Variants in PTPRN2 observed in about 807,000 individuals in gnomAD.
PTPRN2 encodes the protein protein tyrosine phosphatase receptor type N2.
A neutral mutation model predicts 118.8 loss-of-function variants in PTPRN2; 74 were observed. That is an observed-to-expected ratio of 0.62 (90% CI 0.52 to 0.76). The LOEUF is 0.76. Ranked by LOEUF, PTPRN2 falls within the 30% of genes least tolerant of loss-of-function variation. The pLI, the probability that PTPRN2 is intolerant of heterozygous loss-of-function variation, is 0.00. For missense variants in PTPRN2, 1,481 were observed against 1,394.4 expected (o/e 1.06, Z -0.99); for synonymous variants, 641 against 608.0 (o/e 1.05, Z -0.80).
At chr7:157,804,817 C>T (rs973798743) in intron 12 of PTPRN2, among the ~76,000 whole-genome samples, 12 of 152,352 alleles carry the variant, frequency 7.9e-5, no homozygotes, top group African/African-American at 2.2e-4. Flanking sequence ...TCCCAGCCCC[C>T]CTTCTCCCAG....
intron 1 of PTPRN2, among the ~76,000 whole-genome samples, chr7:158,560,930 C>T (rs1005475686): frequency 3.3e-5 from 5 of 152,330 alleles, no homozygotes; most frequent in South Asian, 2.1e-4. Context: ...TGTTCCTTCA[C>T]GTGTGACTGG....
At chr7:158,261,257 C>T (rs918708500) in intron 3 of PTPRN2, among the ~76,000 whole-genome samples, 10 of 152,026 alleles carry the variant, frequency 6.6e-5, no homozygotes, top group Admixed American at 1.3e-4. Context: ...GGCCGGGCAG[C>T]GGGAAGAAGC....
intron 2 of PTPRN2, among the ~76,000 whole-genome samples, chr7:158,370,314 T>TA (rs1432825260): frequency 6.6e-6 from 1 of 152,140 alleles, no homozygotes; most frequent in African/African-American, 2.4e-5. Context: ...GACACACCTG[T>TA]AGTCCCAGTT....
At chr7:158,146,428 T>C (rs540324399) in intron 6 of PTPRN2, among the ~76,000 whole-genome samples, 1 of 152,026 alleles carries the variant, frequency 6.6e-6, no homozygotes, top group Non-Finnish European at 1.5e-5. Context: ...AACATTATTC[T>C]AAGAAATAAT....
intron 12 of PTPRN2, among the ~76,000 whole-genome samples, chr7:157,694,917 A>T (rs1797692266): frequency 6.6e-6 from 1 of 152,302 alleles, no homozygotes; most frequent in South Asian, 2.1e-4. Flanking sequence ...TATATGACAA[A>T]TGAGTACATT....
chr7:158,149,648 A>T (rs189060289), intron 6 of PTPRN2, among the ~76,000 whole-genome samples: 89 of 152,216 alleles, frequency 5.8e-4, no homozygotes, highest in African/African-American at 1.9e-3. Flanking sequence ...TACTAAAAAT[A>T]CAAAAATGAC....
intron 21 of PTPRN2, among the ~76,000 whole-genome samples, chr7:157,565,433 C>A (rs918020432): frequency 3.9e-5 from 6 of 152,250 alleles, no homozygotes; most frequent in African/African-American, 1.4e-4. Flanking sequence ...ACAGCCACAG[C>A]TGCTGGGGGA....
intron 11 of PTPRN2, among the ~76,000 whole-genome samples, chr7:158,013,796 CCATCCATCCACCCACCCACTCACCCACCT>C (rs1263376359): frequency 2.5e-5 from 3 of 118,664 alleles, no homozygotes; most frequent in Admixed American, 8.5e-5. Flanking sequence ...CCCACCCACC[CCATCCATCCACCCACCCACTCACCCACCT>C]ACCCATCCAT....
At chr7:158,054,012 G>A (rs1454999749) in intron 11 of PTPRN2, among the ~76,000 whole-genome samples, 2 of 126,488 alleles carry the variant, frequency 1.6e-5, no homozygotes, top group Non-Finnish European at 3.2e-5. Flanking sequence ...AGAGACCCTA[G>A]AGACGCAGAG....
chr7:157,806,640 G>A (rs182627940), intron 12 of PTPRN2, among the ~76,000 whole-genome samples: 39 of 151,758 alleles, frequency 2.6e-4, no homozygotes, highest in Admixed American at 5.9e-4. Context: ...ACGCATGTAT[G>A]TGTGTGTGTG....
intron 2 of PTPRN2, among the ~76,000 whole-genome samples, chr7:158,485,071 G>A (rs1323550623): frequency 3.3e-5 from 5 of 152,124 alleles, no homozygotes; most frequent in Non-Finnish European, 7.4e-5. Flanking sequence ...CAGACACCCT[G>A]CAACGGCCCG....
intron 11 of PTPRN2, among the ~76,000 whole-genome samples, chr7:158,073,243 T>C (rs1812079147): frequency 6.6e-6 from 1 of 152,162 alleles, no homozygotes. Context: ...GTAGAAGAAC[T>C]CCCAAGAAGT....
intron 11 of PTPRN2, among the ~76,000 whole-genome samples, chr7:158,045,976 C>T (rs1445261314): frequency 2.5e-4 from 36 of 144,824 alleles, no homozygotes. Context: ...CTGCCTTGTT[C>T]TGTCCAGGAG....
chr7:157,862,197 C>T (rs1324149931), intron 12 of PTPRN2, among the ~76,000 whole-genome samples: 1 of 152,264 alleles, frequency 6.6e-6, no homozygotes, highest in Non-Finnish European at 1.5e-5. Context: ...AGCACGGTGC[C>T]TCCTTCACCA....
rs1413230211 is a variant in PTPRN2 at position 157,627,184 on chromosome 7, G to A, written c.2197-5675C>T. ...CCAGTGTGCACCGCACCTGCAGCTG[G>A]GTCTCCTCCGGGGCGTGAGCTCCTG... On this transcript the variant is annotated intron_variant, in intron 14 of 22. Coordinates refer to ENST00000389418, the MANE Select transcript of PTPRN2 (RefSeq NM_002847.5). This position sits in a 1 kb window ranked among gnomAD's most constrained non-coding sequence, Gnocchi z 4.2. 2.0e-5 allele frequency among the ~76,000 whole-genome samples: 3 copies of A among 151,538 alleles called. No homozygotes were observed. Among genetic ancestry groups the A allele is most frequent in the Admixed American group, 2.0e-4 (3 of 15,244 alleles).
At chr7:158,323,652 G>A (rs530243140) in intron 2 of PTPRN2, among the ~76,000 whole-genome samples, 62 of 152,256 alleles carry the variant, frequency 4.1e-4, no homozygotes, top group Non-Finnish European at 7.8e-4. Context: ...CATTTATCTT[G>A]GTAATTTGTT....
chr7:158,175,273 G>A (rs1824084276), intron 5 of PTPRN2, among the ~76,000 whole-genome samples: 1 of 152,212 alleles, frequency 6.6e-6, no homozygotes, highest in Non-Finnish European at 1.5e-5. Context: ...CAGCCTCAGT[G>A]CTATTCACAG....
rs935130968 is a variant in PTPRN2 at position 157,780,248 on chromosome 7, C to T, written c.1789-97311G>A. On this transcript the variant is annotated intron_variant, in intron 12 of 22. Transcript: ENST00000389418. This position sits in a 1 kb window ranked among gnomAD's most constrained non-coding sequence, Gnocchi z 4.5. ...CGTTCCTCAGAGCAAGGCATTTGCTCGCTCCCCTTGCTCCTTACACACGGC... is the reference window on the plus strand; with the variant it reads ...CGTTCCTCAGAGCAAGGCATTTGCTTGCTCCCCTTGCTCCTTACACACGGC... Among the ~76,000 whole-genome samples, 11 of 152,182 alleles carry T rather than the reference C, an allele frequency of 7.2e-5. No individual in the cohort carries two copies. Among genetic ancestry groups the T allele is most frequent in the African/African-American group, 2.2e-4 (9 of 41,438 alleles).
At chr7:157,608,862 G>T (rs897322205) in intron 15 of PTPRN2, among the ~76,000 whole-genome samples, 1 of 151,840 alleles carries the variant, frequency 6.6e-6, no homozygotes, top group Non-Finnish European at 1.5e-5. Flanking sequence ...ACCACAGGGT[G>T]AGAATTCATA....
Sources: gnomAD v4.1 joint callset for allele counts (sites outside exome capture counted in the v4.1 genomes callset) on GRCh38, gnomAD v4.1.1 for gene constraint, Gnocchi (gnomAD v3.1) non-coding constraint, MANE v1.5 for transcripts, NCBI Gene and HGNC (gene_info 2026-07-23, HGNC 2026-07-21) for gene names.